CTNNA2: variants seen among roughly 807,000 people sequenced by gnomAD.
The protein encoded by CTNNA2 is catenin alpha 2, also known as catenin alpha-2.
CTNNA2 carries 42 observed loss-of-function variants against 101.0 expected under a neutral mutation model. The observed-to-expected ratio is 0.42, with a 90% CI of 0.32 to 0.54. The LOEUF (loss-of-function observed/expected upper bound fraction) is 0.54, where lower values mean the gene tolerates loss of function less well. Among genes scored for constraint, CTNNA2 ranks in the 20% least tolerant of loss-of-function variants. CTNNA2 has a pLI of 0.14. For synonymous variants in CTNNA2, 450 were observed against 456.4 expected, an observed-to-expected ratio of 0.99 and a Z score of 0.18; for missense variants, 871 against 1,223.1, an observed-to-expected ratio of 0.71 and a Z score of 4.29.
At chr2:79,455,024 C>A (rs545683840) in intron 4 of CTNNA2, among the ~76,000 whole-genome samples, 1 of 152,174 alleles carries the variant, frequency 6.6e-6, no homozygotes, top group African/African-American at 2.4e-5. Context: ...GTGTGCAGAA[C>A]AGATGTCATT....
At chr2:80,401,191 G>T (rs918425788) in intron 8 of CTNNA2, among the ~76,000 whole-genome samples, 6 of 152,048 alleles carry the variant, frequency 3.9e-5, no homozygotes, top group African/African-American at 1.5e-4. Context: ...TCTAGTCTTT[G>T]TTTCTTCAGG....
chr2:80,089,453 G>C (rs1328379587), intron 7 of CTNNA2, among the ~76,000 whole-genome samples: 1 of 151,736 alleles, frequency 6.6e-6, no homozygotes, highest in Non-Finnish European at 1.5e-5. Flanking sequence ...TGCATTTTGG[G>C]GGTTCTCTGG....
intron 2 of CTNNA2, among the ~76,000 whole-genome samples, chr2:79,238,377 G>T (rs1456713145): frequency 6.6e-6 from 1 of 152,130 alleles, no homozygotes; most frequent in East Asian, 1.9e-4. Flanking sequence ...TAACATGAAA[G>T]ACTATTGATC....
intron 2 of CTNNA2, among the ~76,000 whole-genome samples, chr2:79,305,109 A>T (rs1016267365): frequency 2.6e-5 from 4 of 152,014 alleles, no homozygotes; most frequent in African/African-American, 9.7e-5. Context: ...AAAGCAGTGC[A>T]TTTCAGGTTA....
chr2:80,641,688 A>T lies in CTNNA2; in HGVS notation c.2575-5897A>T, dbSNP rs1673504624. On this transcript the variant is annotated intron_variant, in intron 18 of 18. Transcript: ENST00000402739. ...TCTGAAGGGTAAAAGATTGCTAATTACTTAACTATTCCCTACTTAACCAAG... is the reference window on the plus strand; with the variant it reads ...TCTGAAGGGTAAAAGATTGCTAATTTCTTAACTATTCCCTACTTAACCAAG... Among the ~76,000 whole-genome samples, 5 of 152,156 alleles carry T rather than the reference A, an allele frequency of 3.3e-5. No homozygotes were observed. In the South Asian group the frequency reaches 1.0e-3, roughly 31 times the overall value.
At chr2:79,674,344 A>G (rs1011959659) in intron 2 of CTNNA2, among the ~76,000 whole-genome samples, 5 of 152,208 alleles carry the variant, frequency 3.3e-5, no homozygotes, top group East Asian at 1.9e-4. Context: ...AGACTGTGTT[A>G]CAGACCCCTG....
intron 3 of CTNNA2, among the ~76,000 whole-genome samples, chr2:79,819,221 C>T (rs1332500995): frequency 2.0e-5 from 3 of 152,002 alleles, no homozygotes; most frequent in African/African-American, 4.8e-5. Flanking sequence ...TCAGGTGATC[C>T]GCCTGCCTTG....
intron 2 of CTNNA2, among the ~76,000 whole-genome samples, chr2:79,711,974 G>T (rs1444587455): frequency 6.6e-6 from 1 of 152,052 alleles, no homozygotes; most frequent in Non-Finnish European, 1.5e-5. Context: ...AGAAACAAGG[G>T]GTGGGCTACT....
chr2:79,395,952 A>G (rs945178023), intron 4 of CTNNA2, among the ~76,000 whole-genome samples: 9 of 152,136 alleles, frequency 5.9e-5, no homozygotes, highest in Admixed American at 5.9e-4. Context: ...GTACACACTC[A>G]CTTAACCATA....
chr2:80,511,318 T>G (rs569039090), intron 9 of CTNNA2, among the ~76,000 whole-genome samples: 1 of 152,358 alleles, frequency 6.6e-6, no homozygotes, highest in African/African-American at 2.4e-5. Context: ...TCAACATCAG[T>G]GTTACGGTTT....
intron 2 of CTNNA2, among the ~76,000 whole-genome samples, chr2:79,300,652 T>G (rs1010315621): frequency 6.6e-6 from 1 of 152,346 alleles, no homozygotes; most frequent in South Asian, 2.1e-4. Context: ...CCTAAATTTC[T>G]TAAGTTTCAT....
chr2:80,619,703 AAAT>A (rs1288924090), intron 18 of CTNNA2, among the ~76,000 whole-genome samples: 1 of 151,956 alleles, frequency 6.6e-6, no homozygotes, highest in East Asian at 1.9e-4. Context: ...GATTATCAAC[AAAT>A]ACTTTGGGTG....
At chr2:79,983,877 C>A (rs986379058) in intron 7 of CTNNA2, among the ~76,000 whole-genome samples, 1 of 152,100 alleles carries the variant, frequency 6.6e-6, no homozygotes, top group East Asian at 1.9e-4. Flanking sequence ...AACTGACTCA[C>A]GTTTATACCA....
intron 13 of CTNNA2, among the ~76,000 whole-genome samples, chr2:80,577,696 G>A (rs1695174350): frequency 6.7e-6 from 1 of 149,250 alleles, no homozygotes; most frequent in South Asian, 2.2e-4. Flanking sequence ...TTTTGTTGTT[G>A]TTGTTGTTTT....
intron 17 of CTNNA2, among the ~76,000 whole-genome samples, chr2:80,613,262 A>C (rs1007189540): frequency 2.0e-4 from 30 of 151,434 alleles, no homozygotes; most frequent in African/African-American, 7.3e-4. Flanking sequence ...TACCAGTATG[A>C]ATGGTCATTG....
chr2:80,068,333 A>T (rs1472344096), intron 7 of CTNNA2, among the ~76,000 whole-genome samples: 1 of 152,208 alleles, frequency 6.6e-6, no homozygotes, highest in South Asian at 2.1e-4. Flanking sequence ...GAGTGGCACT[A>T]GGTAACAGGG....
intron 9 of CTNNA2, among the ~76,000 whole-genome samples, chr2:80,502,619 A>T (rs1384261969): frequency 6.6e-6 from 1 of 152,086 alleles, no homozygotes; most frequent in Non-Finnish European, 1.5e-5. Context: ...GCATTCCCTG[A>T]TCCTAAGGTA....
intron 7 of CTNNA2, among the ~76,000 whole-genome samples, chr2:80,243,405 T>TATTA (rs1671089906): frequency 1.3e-5 from 2 of 152,042 alleles, no homozygotes; most frequent in African/African-American, 2.4e-5. Context: ...AATATTTCCT[T>TATTA]GGGCTATTTG....
chr2:79,448,107 T>C (rs774602286), intron 4 of CTNNA2, among the ~76,000 whole-genome samples: 3 of 152,066 alleles, frequency 2.0e-5, no homozygotes. Context: ...TGTTCCTAGA[T>C]ATATAACACA....
Sources: gnomAD v4.1 joint callset for allele counts (sites outside exome capture counted in the v4.1 genomes callset) on GRCh38, gnomAD v4.1.1 for gene constraint, MANE v1.5 for transcripts, NCBI Gene and HGNC (gene_info 2026-07-23, HGNC 2026-07-21) for gene names.